Variants in E2F6 observed in about 807,000 individuals in gnomAD.
The protein encoded by E2F6 is transcription factor E2F6.
A neutral mutation model predicts 31.5 loss-of-function variants in E2F6; 19 were observed. The ratio of observed to expected loss-of-function variants is 0.60; its 90% CI spans 0.42 to 0.89. The LOEUF (loss-of-function observed/expected upper bound fraction) is 0.89, where lower values mean the gene tolerates loss of function less well. E2F6 is among the 40% of genes least tolerant of loss of function. The pLI, the probability that E2F6 is intolerant of heterozygous loss-of-function variation, is 0.00. For synonymous variants in E2F6, 121 were observed against 127.7 expected, an observed-to-expected ratio of 0.95 and a Z score of 0.36; for missense variants, 269 against 341.6, an observed-to-expected ratio of 0.79 and a Z score of 1.67.
At chr2:11,451,901 T>A in intron 3 of E2F6, 95 bp from the exon 4 acceptor site, 1 of 1,257,976 alleles carries the variant, frequency 7.9e-7, no homozygotes, top group South Asian at 1.4e-5. Context: ...ATGTTTGCCA[T>A]AAGTGTTTTC....
chr2:11,453,482 G>C, intron 3 of E2F6, 100 bp downstream of exon 3: 1 of 1,097,596 alleles, frequency 9.1e-7, no homozygotes, highest in Non-Finnish European at 1.3e-6. Context: ...TCGTACCTTT[G>C]TATTATATTG....
intron 5 of E2F6, among the ~76,000 whole-genome samples, chr2:11,449,596 G>A (rs561423562): frequency 3.9e-5 from 6 of 152,290 alleles, no homozygotes; most frequent in East Asian, 1.9e-4. Flanking sequence ...AGAACCTAGC[G>A]TCCTGGTTTA....
At chr2:11,457,495 C>A (rs1671481841) in intron 1 of E2F6, among the ~76,000 whole-genome samples, 1 of 152,112 alleles carries the variant, frequency 6.6e-6, no homozygotes, top group South Asian at 2.1e-4. Flanking sequence ...TGGTGGCAGG[C>A]ACCTGTAGTC....
intron 1 of E2F6, 79 bp from the exon 2 acceptor site, chr2:11,457,312 A>G (rs982820748): frequency 3.3e-6 from 3 of 902,118 alleles, no homozygotes; most frequent in African/African-American, 3.3e-5. Context: ...TCAATAGTAT[A>G]AAGGTCTGGG....
intron 5 of E2F6, among the ~76,000 whole-genome samples, chr2:11,448,899 G>C (rs547366954): frequency 2.4e-4 from 37 of 152,162 alleles, no homozygotes; most frequent in Non-Finnish European, 4.3e-4. Flanking sequence ...GAGCAGGCCG[G>C]ATCTGACCTG....
intron 1 of E2F6, among the ~76,000 whole-genome samples, 199 bp downstream of exon 1, chr2:11,465,573 A>C (rs531609856): frequency 6.6e-6 from 1 of 152,346 alleles, no homozygotes; most frequent in South Asian, 2.1e-4. Context: ...GTAAAAGCCT[A>C]GAAGACTGAT....
At chr2:11,453,333 GA>G (rs1558455374) in intron 3 of E2F6, among the ~76,000 whole-genome samples, 1 of 152,122 alleles carries the variant, frequency 6.6e-6, no homozygotes, top group African/African-American at 2.4e-5. Flanking sequence ...ACTTCTGTGT[GA>G]AAACCACTGT....
At chr2:11,451,562 A>G (rs989373445) in intron 4 of E2F6, 89 bp downstream of exon 4, 11 of 1,281,808 alleles carry the variant, frequency 8.6e-6, no homozygotes, top group Non-Finnish European at 1.1e-5. Flanking sequence ...TATCTTAAAT[A>G]TATAAATTAA....
At chr2:11,456,125 T>C (rs559060376) in intron 2 of E2F6, among the ~76,000 whole-genome samples, 1 of 152,360 alleles carries the variant, frequency 6.6e-6, no homozygotes, top group Admixed American at 6.5e-5. Flanking sequence ...CCTGGTCTGC[T>C]CTGTCTACCC....
At chr2:11,464,796 A>T (rs144067605) in intron 1 of E2F6, among the ~76,000 whole-genome samples, 1,556 of 152,330 alleles carry the variant, frequency 0.01, 5 homozygotes, top group Middle Eastern at 0.034. Context: ...ATTATAAAAC[A>T]CTGCTGTGAG....
chr2:11,450,202 C>T (rs1017459515), intron 4 of E2F6, 76 bp from the exon 5 acceptor site: 39 of 908,092 alleles, frequency 4.3e-5, no homozygotes, highest in Non-Finnish European at 5.4e-5. Flanking sequence ...ATTCAGTTAA[C>T]GCAAGGGTAA....
chr2:11,457,282 G>T, intron 1 of E2F6, 49 bp from the exon 2 acceptor site: 1 of 1,140,368 alleles, frequency 8.8e-7, no homozygotes, highest in Non-Finnish European at 1.3e-6. Context: ...AAACAACAAT[G>T]CAAACAAATA....
chr2:11,450,630 T>C (rs915040989), intron 4 of E2F6, among the ~76,000 whole-genome samples: 2 of 152,242 alleles, frequency 1.3e-5, no homozygotes, highest in Non-Finnish European at 2.9e-5. Flanking sequence ...CTATCATGTA[T>C]GATGTTACTT....
chr2:11,447,548 A>G, intron 6 of E2F6, 79 bp downstream of exon 6: 1 of 1,480,482 alleles, frequency 6.8e-7, no homozygotes, highest in Admixed American at 2.1e-5. Context: ...AAGAGTAAAA[A>G]TATCTTAAGG....
At chr2:11,455,687 G>A (rs1366062407) in intron 2 of E2F6, among the ~76,000 whole-genome samples, 2 of 152,092 alleles carry the variant, frequency 1.3e-5, no homozygotes, top group African/African-American at 2.4e-5. Context: ...CATGTACAAC[G>A]GAACACCAAA....
In E2F6 at chr2:11,453,795, G is replaced by A. The variant is rs1671222689; in HGVS notation, c.167C>T (p.Ala56Val). ...AAAACGAGGTCTCTTCACTTTTAGA[G>A]CTTCTGGGAAACAAAATAAACATAT... ...DNVQYVSMRK[A>V]LKVKRPRFDV... The change falls in exon 3 of 7, where the codon GCT becomes GTT. Residue 56 changes from alanine (A) to valine (V), a missense_variant. Physicochemically the swap from Ala to Val is moderately conservative, Grantham distance 64. Coordinates refer to ENST00000381525, the MANE Select transcript of E2F6 (RefSeq NM_198256.4). 6.2e-7 allele frequency: 1 copy of A among 1,608,628 alleles called. No homozygotes were observed. Among genetic ancestry groups the A allele is most frequent in the Non-Finnish European group, 8.5e-7 (1 of 1,178,128 alleles).
intron 5 of E2F6, among the ~76,000 whole-genome samples, chr2:11,449,303 A>G (rs4408699): frequency 1 from 151,865 of 152,282 alleles, 75,727 homozygotes; most frequent in Middle Eastern, 1. Flanking sequence ...AAGGAAAAAC[A>G]GGTCAAGAAA....
intron 6 of E2F6, among the ~76,000 whole-genome samples, chr2:11,447,407 T>C (rs1670784775): frequency 6.6e-6 from 1 of 152,172 alleles, no homozygotes; most frequent in South Asian, 2.1e-4. Flanking sequence ...GGTATCACCA[T>C]GGGACCAAAC....
intron 1 of E2F6, chr2:11,458,150 G>C: frequency 1.2e-6 from 1 of 841,990 alleles, no homozygotes. Context: ...CTCCAGACAG[G>C]CTGTCATCAG....
Sources: gnomAD v4.1 joint callset for allele counts (sites outside exome capture counted in the v4.1 genomes callset) on GRCh38, gnomAD v4.1.1 for gene constraint, MANE v1.5 for transcripts, NCBI Gene and HGNC (gene_info 2026-07-23, HGNC 2026-07-21) for gene names.